TAF1B: variants seen among roughly 807,000 people sequenced by gnomAD.
The protein encoded by TAF1B is TATA-box binding protein associated factor, RNA polymerase I subunit B, also known as TATA box-binding protein-associated factor RNA polymerase I subunit B.
In TAF1B, 61 loss-of-function variants were observed where a neutral mutation model predicts 83.9. The observed-to-expected ratio is 0.73, with a 90% CI of 0.59 to 0.90. The LOEUF is 0.90. TAF1B is among the 40% of genes least tolerant of loss of function. The probability of loss-of-function intolerance (pLI) is 0.00; values close to 1 mark genes in which losing one functional copy is unlikely to be tolerated. For missense variants in TAF1B, 625 were observed against 677.0 expected (o/e 0.92, Z 0.85); for synonymous variants, 221 against 224.6 (o/e 0.98, Z 0.14).
At chr2:9,907,860 T>G (rs1050672319) in intron 9 of TAF1B, among the ~76,000 whole-genome samples, 1 of 151,654 alleles carries the variant, frequency 6.6e-6, no homozygotes, top group Admixed American at 6.6e-5. Context: ...GATGGCAGAG[T>G]AGATTCCTAC....
rs114084791 is a variant in TAF1B at position 9,926,110 on chromosome 2, C to T, written c.1565+6290C>T. Among the ~76,000 whole-genome samples, 593 of 152,224 alleles carry T rather than the reference C, an allele frequency of 3.9e-3. 3 individuals carry two copies. Among genetic ancestry groups the T allele is most frequent in the African/African-American group, 0.013 (550 of 41,506 alleles). ...CATGGCAAGACTTGCTTCACCCAGG[C>T]TCCAGCTTACTCTACCCCTCTGCCC... On this transcript the variant is annotated intron_variant, in intron 14 of 14. Transcript: ENST00000263663.
At chr2:9,898,094 A>G (rs1441025010) in intron 8 of TAF1B, among the ~76,000 whole-genome samples, 1 of 152,062 alleles carries the variant, frequency 6.6e-6, no homozygotes, top group Non-Finnish European at 1.5e-5. Flanking sequence ...GTCTACAAGA[A>G]AAGTAGCCTC....
chr2:9,923,943 C>G (rs200680625), intron 14 of TAF1B, among the ~76,000 whole-genome samples: 3 of 152,132 alleles, frequency 2.0e-5, no homozygotes, highest in African/African-American at 7.2e-5. Context: ...CAGCTTATGT[C>G]GTGATCCGTA....
chr2:9,904,850 T>G lies in TAF1B; in HGVS notation c.808-9T>G. 1 of 1,606,434 alleles carries G rather than the reference T, an allele frequency of 6.2e-7. No individual in the cohort carries two copies. The highest frequency in any genetic ancestry group is 8.5e-7 in the Non-Finnish European group (1 of 1,174,820). ...AATTGCAACTATGATGGTCTCTCTT[T>G]TATTTCAGTCTTGGCCTGACTACGA... is the stretch of plus-strand genomic sequence containing the variant. On this transcript the variant is annotated splice_polypyrimidine_tract_variant and intron_variant, in intron 8 of 14. Transcript: ENST00000263663.
intron 5 of TAF1B, among the ~76,000 whole-genome samples, chr2:9,865,690 A>G (rs527684074): frequency 1.7e-3 from 264 of 152,102 alleles, no homozygotes; most frequent in African/African-American, 6.2e-3. Context: ...AAACTATACT[A>G]CAAGGCTACA....
chr2:9,931,441 G>A (rs1351295705), intron 14 of TAF1B, among the ~76,000 whole-genome samples: 1 of 152,084 alleles, frequency 6.6e-6, no homozygotes, highest in Non-Finnish European at 1.5e-5. Context: ...TAGTTTGGCT[G>A]GATATGAAAT....
chr2:9,846,044 T>C (rs1195269751), intron 2 of TAF1B: 2 of 469,908 alleles, frequency 4.3e-6, no homozygotes, highest in Non-Finnish European at 8.8e-6. Context: ...GTTATCCTTT[T>C]ACCTTTGTAT....
intron 8 of TAF1B, among the ~76,000 whole-genome samples, chr2:9,899,869 AT>A (rs549551072): frequency 4.1e-4 from 62 of 152,342 alleles, no homozygotes; most frequent in African/African-American, 1.4e-3. Flanking sequence ...TGTCTCCTGC[AT>A]TTTAAAAATT....
intron 6 of TAF1B, among the ~76,000 whole-genome samples, chr2:9,873,664 A>G (rs1664236641): frequency 6.8e-6 from 1 of 147,908 alleles, no homozygotes; most frequent in Non-Finnish European, 1.5e-5. Context: ...GTCTTGGTAA[A>G]TGGCAATGCA....
intron 8 of TAF1B, among the ~76,000 whole-genome samples, chr2:9,896,118 A>T (rs1037144331): frequency 6.6e-6 from 1 of 152,226 alleles, no homozygotes; most frequent in Non-Finnish European, 1.5e-5. Context: ...ATGGACCTGT[A>T]TCACTCGAGA....
intron 7 of TAF1B, among the ~76,000 whole-genome samples, chr2:9,876,734 T>C (rs1434325138): frequency 5.3e-5 from 8 of 152,220 alleles, no homozygotes; most frequent in African/African-American, 1.4e-4. Flanking sequence ...TTGCCACTTA[T>C]TTATTATATG....
intron 6 of TAF1B, among the ~76,000 whole-genome samples, chr2:9,874,443 A>AT (rs569110952): frequency 1.4e-3 from 211 of 145,534 alleles, no homozygotes; most frequent in East Asian, 5.2e-3. Flanking sequence ...GTCAAATGTA[A>AT]TTTTTTTTTT....
At chr2:9,880,511 CTG>C (rs1207303624) in intron 7 of TAF1B, among the ~76,000 whole-genome samples, 3 of 122,124 alleles carry the variant, frequency 2.5e-5, no homozygotes, top group Non-Finnish European at 4.8e-5. Flanking sequence ...TGGTGAAAAA[CTG>C]TTAGAACTCC....
intron 5 of TAF1B, among the ~76,000 whole-genome samples, chr2:9,866,409 T>C (rs1252933290): frequency 1.9e-4 from 29 of 151,036 alleles, no homozygotes; most frequent in Non-Finnish European, 4.2e-4. Flanking sequence ...CCAGTTAGAA[T>C]GGCGATCATT....
intron 8 of TAF1B, among the ~76,000 whole-genome samples, chr2:9,889,409 A>G: frequency 6.6e-6 from 1 of 152,070 alleles, no homozygotes; most frequent in Admixed American, 6.6e-5. Context: ...TTTTCATTTC[A>G]GATACTACAT....
chr2:9,902,387 G>C (rs1391387264), intron 8 of TAF1B, among the ~76,000 whole-genome samples: 1 of 152,120 alleles, frequency 6.6e-6, no homozygotes, highest in Admixed American at 6.5e-5. Context: ...GAGCTCTGCT[G>C]GGTGCTCCCT....
At chr2:9,866,130 A>G (rs1558238466) in intron 5 of TAF1B, among the ~76,000 whole-genome samples, 1 of 150,184 alleles carries the variant, frequency 6.7e-6, no homozygotes, top group Non-Finnish European at 1.5e-5. Context: ...AAAAGAAACT[A>G]CCATCAGAGT....
chr2:9,927,900 G>A (rs1666091390), intron 14 of TAF1B, among the ~76,000 whole-genome samples: 1 of 152,136 alleles, frequency 6.6e-6, no homozygotes, highest in African/African-American at 2.4e-5. Context: ...GGCTTTTGTT[G>A]CCATTGCTTT....
intron 4 of TAF1B, chr2:9,851,850 T>C (rs1558613211): frequency 4.7e-6 from 3 of 640,822 alleles, no homozygotes; most frequent in East Asian, 3.0e-5. Flanking sequence ...AAAAGAAAAA[T>C]TTAAAGGTTT....
Sources: gnomAD v4.1 joint callset for allele counts (sites outside exome capture counted in the v4.1 genomes callset) on GRCh38, gnomAD v4.1.1 for gene constraint, MANE v1.5 for transcripts, NCBI Gene and HGNC (gene_info 2026-07-23, HGNC 2026-07-21) for gene names.